The following RORA variants were observed in gnomAD, a reference collection of about 807,000 sequenced individuals.
RORA encodes the protein nuclear receptor ROR-alpha.
Under a neutral mutation model 69.5 loss-of-function variants are expected in RORA, and 7 were observed. The observed-to-expected ratio is 0.10, with a 90% CI of 0.06 to 0.19. RORA has a LOEUF of 0.19. RORA is among the 10% of genes least tolerant of loss of function. The pLI is 1.00. For missense variants in RORA, 457 were observed against 663.0 expected, an observed-to-expected ratio of 0.69 and a Z score of 3.41; for synonymous variants, 261 against 240.8, an observed-to-expected ratio of 1.08 and a Z score of -0.78.
intron 1 of RORA, among the ~76,000 whole-genome samples, chr15:60,800,835 G>T (rs2072569309): frequency 6.6e-6 from 1 of 152,122 alleles, no homozygotes; most frequent in Non-Finnish European, 1.5e-5. Flanking sequence ...GGTCCTTCCT[G>T]TCTCAACTCC....
intron 2 of RORA, among the ~76,000 whole-genome samples, chr15:60,581,885 C>T (rs2068205190): frequency 6.6e-6 from 1 of 152,116 alleles, no homozygotes; most frequent in African/African-American, 2.4e-5. Flanking sequence ...AAGATGGCAT[C>T]ACAAGAGATA....
chr15:60,730,912 C>G (rs2071421855), intron 1 of RORA, among the ~76,000 whole-genome samples: 1 of 150,804 alleles, frequency 6.6e-6, no homozygotes, highest in African/African-American at 2.4e-5. Flanking sequence ...TTTAAACATA[C>G]TTTTATTTTA....
At chr15:60,528,869 C>T (rs1030592871) in intron 3 of RORA, 1 of 152,190 alleles carries the variant, frequency 6.6e-6, no homozygotes, top group Non-Finnish European at 1.5e-5. Flanking sequence ...GGTGCTCAAG[C>T]TGGTAAATAG....
intron 7 of RORA, 131 bp downstream of exon 7, chr15:60,503,404 G>T: frequency 1.2e-6 from 1 of 801,204 alleles, no homozygotes; most frequent in South Asian, 2.0e-5. Flanking sequence ...CTCCATTTCT[G>T]CTAAGAAAAA....
intron 1 of RORA, among the ~76,000 whole-genome samples, chr15:60,768,983 C>T (rs998724172): frequency 9.9e-5 from 15 of 152,172 alleles, no homozygotes; most frequent in Non-Finnish European, 1.6e-4. Context: ...ATTTTTAAAA[C>T]GTGCACAGTG....
At chr15:61,095,262 C>G (rs534321238) in intron 1 of RORA, among the ~76,000 whole-genome samples, 260 of 151,838 alleles carry the variant, frequency 1.7e-3, no homozygotes, top group Non-Finnish European at 3.3e-3. Flanking sequence ...GGGTATATGC[C>G]GAGATGATCA....
At chr15:60,989,944 A>G (rs1894322003) in intron 1 of RORA, among the ~76,000 whole-genome samples, 2 of 152,310 alleles carry the variant, frequency 1.3e-5, no homozygotes, top group African/African-American at 4.8e-5. Flanking sequence ...CACCCACTAT[A>G]CTTAGAACTT....
rs146215698 is a variant in RORA, at chr15:60,984,459, C to T, written c.166+244594G>A. Among the ~76,000 whole-genome samples the T allele has an allele frequency of 2.0e-3, 301 of 151,364 alleles. 3 individuals carry two copies. The highest frequency in any genetic ancestry group is 6.6e-3 in the African/African-American group (275 of 41,380). On this transcript the variant is annotated intron_variant, in intron 1 of 10. Transcript: ENST00000335670. ...ATAATAATAGTTATTATTATAATTA[C>T]TACTGACAGTTACCTACTTACAAGT... is the stretch of plus-strand genomic sequence containing the variant.
rs367720225 is a variant in RORA at position 60,892,555 on chromosome 15, T to C, written c.167-213869A>G. Among the ~76,000 whole-genome samples, 101 of 152,226 alleles carry C rather than the reference T, an allele frequency of 6.6e-4. 2 individuals carry two copies. In the South Asian group the frequency reaches 0.02, roughly 31 times the overall value. On this transcript the variant is annotated intron_variant, in intron 1 of 10. Coordinates refer to ENST00000335670, the MANE Select transcript of RORA (RefSeq NM_134261.3). ...TACCACCAGTGTCTATTACCCAGGT[T>C]AAAATGAAGACTTCGAGCTGACTCT...
intron 1 of RORA, among the ~76,000 whole-genome samples, chr15:60,981,826 G>C (rs866661442): frequency 1.9e-4 from 24 of 123,756 alleles, no homozygotes; most frequent in Middle Eastern, 8.1e-3. Context: ...GACAGTTACT[G>C]TTGATTGCTT....
At chr15:61,071,989 G>C (rs1287586809) in intron 1 of RORA, among the ~76,000 whole-genome samples, 1 of 152,022 alleles carries the variant, frequency 6.6e-6, no homozygotes, top group Non-Finnish European at 1.5e-5. Context: ...AAAGTCTCTA[G>C]ACAGATCCTC....
chr15:61,050,726 C>T (rs1415333809), intron 1 of RORA, among the ~76,000 whole-genome samples: 2 of 152,182 alleles, frequency 1.3e-5, no homozygotes, highest in Non-Finnish European at 2.9e-5. Context: ...AAGAGTAAGA[C>T]CTGCTTTATT....
intron 1 of RORA, among the ~76,000 whole-genome samples, chr15:61,101,317 A>G (rs7175467): frequency 0.26 from 39,930 of 152,128 alleles, 5,978 homozygotes; most frequent in Non-Finnish European, 0.35. Flanking sequence ...GTAACAAAGT[A>G]AATGGAAGCA....
chr15:60,900,614 C>T (rs1891360911), intron 1 of RORA, among the ~76,000 whole-genome samples: 1 of 152,092 alleles, frequency 6.6e-6, no homozygotes, highest in South Asian at 2.1e-4. Flanking sequence ...TGGCTCACCC[C>T]TGTAATCCCA....
intron 1 of RORA, among the ~76,000 whole-genome samples, chr15:60,811,556 T>C (rs2072743031): frequency 6.6e-6 from 1 of 152,268 alleles, no homozygotes; most frequent in African/African-American, 2.4e-5. Flanking sequence ...CTGCTATCTC[T>C]AACCATTCTG....
chr15:60,920,013 A>G (rs1891995538), intron 1 of RORA, among the ~76,000 whole-genome samples: 1 of 152,118 alleles, frequency 6.6e-6, no homozygotes. Flanking sequence ...CTAACTGCAT[A>G]CGAAGGAGAA....
chr15:61,052,835 C>T (rs995589891), intron 1 of RORA, among the ~76,000 whole-genome samples: 7 of 152,284 alleles, frequency 4.6e-5, no homozygotes, highest in Admixed American at 3.9e-4. Flanking sequence ...CAGCATGCCA[C>T]GTACAGTTGG....
At chr15:60,754,823 C>T (rs1241023239) in intron 1 of RORA, among the ~76,000 whole-genome samples, 2 of 152,154 alleles carry the variant, frequency 1.3e-5, no homozygotes, top group Admixed American at 1.3e-4. Context: ...GGAAATAGGG[C>T]TCCATTCTCT....
At chr15:60,668,736 A>C (rs556535413) in intron 2 of RORA, among the ~76,000 whole-genome samples, 1 of 152,238 alleles carries the variant, frequency 6.6e-6, no homozygotes, top group African/African-American at 2.4e-5. Flanking sequence ...AGAAAGAGAG[A>C]TAAATTAACT....
Sources: allele counts gnomAD v4.1 joint callset (sites outside exome capture counted in the v4.1 genomes callset), GRCh38; gene constraint gnomAD v4.1.1; transcripts MANE v1.5; gene names NCBI Gene and HGNC (gene_info 2026-07-23, HGNC 2026-07-21).